Variants in SPAG16 observed in about 807,000 individuals in gnomAD.
SPAG16 encodes sperm associated antigen 16.
In SPAG16, 86 loss-of-function variants were observed where a neutral mutation model predicts 80.4. That is an observed-to-expected ratio of 1.07 (90% CI 0.90 to 1.28). The LOEUF is 1.28. SPAG16 is among the 50% of genes most tolerant of loss of function. SPAG16 has a pLI of 0.00. For missense variants in SPAG16, 870 were observed against 765.3 expected, an observed-to-expected ratio of 1.14 and a Z score of -1.61; for synonymous variants, 294 against 265.9, an observed-to-expected ratio of 1.11 and a Z score of -1.03.
intron 12 of SPAG16, among the ~76,000 whole-genome samples, chr2:213,953,168 T>G (rs1385205751): frequency 6.6e-6 from 1 of 152,028 alleles, no homozygotes; most frequent in African/African-American, 2.4e-5. Flanking sequence ...AAAGCAATGT[T>G]TAAAACTATA....
chr2:213,423,944 G>A (rs1363067265), intron 9 of SPAG16, among the ~76,000 whole-genome samples: 3 of 152,132 alleles, frequency 2.0e-5, no homozygotes, highest in African/African-American at 7.2e-5. Context: ...TTTTTACAGA[G>A]CATTTCAGCA....
chr2:214,358,023 A>G (rs1040606378), intron 15 of SPAG16, among the ~76,000 whole-genome samples: 3 of 151,992 alleles, frequency 2.0e-5, no homozygotes, highest in South Asian at 4.1e-4. Context: ...ACCCAGAACC[A>G]TGCTGGAACC....
rs148853480 is a variant in SPAG16, at chr2:213,327,311, A to C, written c.536+9955A>C. ...ATTTATTAAGCAGATGGGCAGCAGGAAGGTCATAATAGGAGAAGCACCACC... is the reference window on the plus strand; with the variant it reads ...ATTTATTAAGCAGATGGGCAGCAGGCAGGTCATAATAGGAGAAGCACCACC... On this transcript the variant is annotated intron_variant, in intron 5 of 15. Transcript: ENST00000331683. Among the ~76,000 whole-genome samples, 6 of 152,140 alleles carry C rather than the reference A, an allele frequency of 3.9e-5. No homozygotes were observed. In the East Asian group the frequency reaches 1.2e-3, roughly 29 times the overall value.
At chr2:214,307,565 T>C (rs756507570) in intron 15 of SPAG16, among the ~76,000 whole-genome samples, 1 of 151,670 alleles carries the variant, frequency 6.6e-6, no homozygotes, top group Non-Finnish European at 1.5e-5. Flanking sequence ...CTGCCTTAGC[T>C]GTGTCCCAGA....
chr2:213,599,527 C>A (rs1327913257), intron 10 of SPAG16, among the ~76,000 whole-genome samples: 1 of 152,136 alleles, frequency 6.6e-6, no homozygotes, highest in Admixed American at 6.5e-5. Context: ...TAAATGTAAT[C>A]TCTCTTCTGA....
chr2:213,562,592 T>C (rs1402381984), intron 10 of SPAG16, among the ~76,000 whole-genome samples: 1 of 152,140 alleles, frequency 6.6e-6, no homozygotes, highest in Non-Finnish European at 1.5e-5. Flanking sequence ...AGGGCCAATG[T>C]CATATTTATA....
At chr2:214,295,101 C>T (rs1054226295) in intron 15 of SPAG16, among the ~76,000 whole-genome samples, 1 of 152,160 alleles carries the variant, frequency 6.6e-6, no homozygotes, top group Non-Finnish European at 1.5e-5. Flanking sequence ...TAGTACCCAG[C>T]TCTATCATCA....
rs1252122214 is a variant in SPAG16 at position 213,490,422 on chromosome 2, C to T, written c.1070+332C>T. 1.1e-4 allele frequency among the ~76,000 whole-genome samples: 17 copies of T among 152,024 alleles called. 1 individual carries two copies. Among genetic ancestry groups the T allele is most frequent in the Admixed American group, 1.1e-3 (17 of 15,264 alleles). On this transcript the variant is annotated intron_variant, in intron 10 of 15. Transcript: ENST00000331683. ...CATTTCATTTGTTTATTTTACTCAC[C>T]AATTTTACCAATGTACTTTTTCCCT...
intron 14 of SPAG16, among the ~76,000 whole-genome samples, chr2:214,115,984 G>A (rs1177644864): frequency 6.6e-6 from 1 of 152,072 alleles, no homozygotes; most frequent in Non-Finnish European, 1.5e-5. Context: ...TCAGGTAGGA[G>A]GCTGCAGAGC....
chr2:214,409,869 A>G (rs1486347606), intron 15 of SPAG16, among the ~76,000 whole-genome samples: 2 of 152,232 alleles, frequency 1.3e-5, no homozygotes, highest in Non-Finnish European at 2.9e-5. Flanking sequence ...ATAAAAGAAT[A>G]GTAGGATGTT....
intron 10 of SPAG16, among the ~76,000 whole-genome samples, chr2:213,539,542 AC>A (rs1041366985): frequency 3.3e-5 from 5 of 152,182 alleles, no homozygotes; most frequent in Non-Finnish European, 5.9e-5. Context: ...GTGTCTTTGT[AC>A]CCATCAGACC....
At chr2:213,772,685 C>G (rs2069323544) in intron 10 of SPAG16, among the ~76,000 whole-genome samples, 3 of 152,050 alleles carry the variant, frequency 2.0e-5, no homozygotes, top group Non-Finnish European at 4.4e-5. Context: ...ATTAATTCTC[C>G]TAAATTTGTT....
chr2:213,544,625 T>C (rs556997304), intron 10 of SPAG16, among the ~76,000 whole-genome samples: 14 of 152,232 alleles, frequency 9.2e-5, no homozygotes, highest in African/African-American at 3.1e-4. Flanking sequence ...CATTATAGTA[T>C]CAAACAGGGT....
intron 15 of SPAG16, among the ~76,000 whole-genome samples, chr2:214,347,454 C>A (rs1208400277): frequency 2.0e-5 from 3 of 151,894 alleles, no homozygotes; most frequent in African/African-American, 4.8e-5. Flanking sequence ...AAGATCAAAT[C>A]CTGGGCATTA....
In SPAG16 at chr2:213,415,041, A is replaced by G. The variant is rs569719978; in HGVS notation, c.942+39922A>G. Among the ~76,000 whole-genome samples, 23 of 152,358 alleles carry G rather than the reference A, an allele frequency of 1.5e-4. No homozygotes were observed. The South Asian group carries it at 3.5e-3, about 23-fold the overall frequency. On this transcript the variant is annotated intron_variant, in intron 9 of 15. Transcript: ENST00000331683. ...ATGGGAAAACCGCCCCCATGATTCAATTATCTCCCACCAGGTCCCTCCCAC... is the reference window on the plus strand; with the variant it reads ...ATGGGAAAACCGCCCCCATGATTCAGTTATCTCCCACCAGGTCCCTCCCAC...
chr2:214,341,989 CTCT>C (rs1451389514), intron 15 of SPAG16, among the ~76,000 whole-genome samples: 1 of 151,954 alleles, frequency 6.6e-6, no homozygotes, highest in African/African-American at 2.4e-5. Context: ...ACTAAAAGTT[CTCT>C]TTTTTAGTTG....
At chr2:214,164,621 A>G (rs960770086) in intron 15 of SPAG16, among the ~76,000 whole-genome samples, 1 of 152,134 alleles carries the variant, frequency 6.6e-6, no homozygotes, top group Non-Finnish European at 1.5e-5. Flanking sequence ...AAATAATTAT[A>G]AGTTAGCTCA....
At chr2:214,093,589 G>A (rs376380538) in intron 13 of SPAG16, among the ~76,000 whole-genome samples, 13 of 151,950 alleles carry the variant, frequency 8.6e-5, no homozygotes, top group African/African-American at 2.2e-4. Context: ...TCATGCACGC[G>A]TGTCTATGGG....
intron 13 of SPAG16, among the ~76,000 whole-genome samples, chr2:214,045,838 G>T (rs2049291070): frequency 6.6e-6 from 1 of 151,798 alleles, no homozygotes. Flanking sequence ...AAAATTAGCA[G>T]AAAAGAAATA....
Sources: allele counts gnomAD v4.1 joint callset (sites outside exome capture counted in the v4.1 genomes callset), GRCh38; gene constraint gnomAD v4.1.1; transcripts MANE v1.5; gene names NCBI Gene and HGNC (gene_info 2026-07-23, HGNC 2026-07-21).